Variants in CFAP74 observed in about 807,000 individuals in gnomAD.
CFAP74 encodes the protein cilia and flagella associated protein 74.
CFAP74 carries 124 observed loss-of-function variants against 188.9 expected under a neutral mutation model. That is an observed-to-expected ratio of 0.66 (90% CI 0.57 to 0.76). CFAP74 has a LOEUF of 0.76. Among genes scored for constraint, CFAP74 ranks in the 30% least tolerant of loss-of-function variants. CFAP74 has a pLI of 0.00. For synonymous variants in CFAP74, 956 were observed against 916.7 expected (o/e 1.04, Z -0.77); for missense variants, 2,198 against 2,165.2 (o/e 1.02, Z -0.30).
At chr1:1,971,143 GCACATGCACACCTGGACA>G (rs1186712648) in intron 9 of CFAP74, among the ~76,000 whole-genome samples, 18 of 131,786 alleles carry the variant, frequency 1.4e-4, no homozygotes, top group African/African-American at 4.2e-4. Flanking sequence ...ACACATGCTC[GCACATGCACACCTGGACA>G]CACATGCACA....
rs367955912 is a variant in CFAP74, at chr1:1,959,946, C to T, written c.1761+18G>A. 7.3e-5 allele frequency: 115 copies of T among 1,573,916 alleles called. No homozygotes were observed. Among genetic ancestry groups the T allele is most frequent in the Non-Finnish European group, 8.3e-5 (96 of 1,161,898 alleles). The stretch of plus-strand genomic sequence containing the variant: ...CCACCACCTCCCCTTCGAGAGAGAA[C>T]GGGCCCCTCTGACTCACCATCGGCT... On this transcript the variant is annotated intron_variant, in intron 15 of 38. Transcript: ENST00000682832.
chr1:1,941,734 T>C (rs1029251723), intron 22 of CFAP74, among the ~76,000 whole-genome samples: 1 of 152,188 alleles, frequency 6.6e-6, no homozygotes, highest in African/African-American at 2.4e-5. Context: ...CGGCCATGCA[T>C]GGGAGACACG....
At chr1:1,986,010 T>G (rs34567059) in intron 5 of CFAP74, among the ~76,000 whole-genome samples, 46,887 of 151,930 alleles carry the variant, frequency 0.31, 7,445 homozygotes, top group Non-Finnish European at 0.34. Context: ...TGGACACGGG[T>G]GGTGGGCTTT....
At chr1:1,922,905 G>T in intron 37 of CFAP74, 80 bp downstream of exon 37, 1 of 1,508,532 alleles carries the variant, frequency 6.6e-7, no homozygotes. Flanking sequence ...TGAGGGGCAA[G>T]GCCAGGAGGG....
Position 1,956,758 on chromosome 1 carries a change from G to A in CFAP74, c.1878C>T (p.Asp626=). The A allele has an allele frequency of 1.2e-6, 2 of 1,613,498 alleles. No homozygotes were observed. The highest frequency in any genetic ancestry group is 1.7e-6 in the Non-Finnish European group (2 of 1,179,720). Residue 626 remains aspartate (D), a synonymous_variant, in exon 17 of 39, where the codon GAC becomes GAT. Transcript: ENST00000682832. The part of the protein sequence containing the change: ...CSLSLDKELI[D]FGSYVVGETT... The stretch of plus-strand genomic sequence containing the variant: ...TCTCTCCTACCACGTAGCTGCCGAA[G>A]TCAATGAGCTCCTTGTCGAGGGACA...
chr1:1,973,951 C>T lies in CFAP74; in HGVS notation c.674+74G>A, dbSNP rs1656262331. On this transcript the variant is annotated intron_variant, in intron 7 of 38. Coordinates refer to ENST00000682832, the MANE Select transcript of CFAP74 (RefSeq NM_001304360.2). The surrounding 1 kb of genome is among the most constrained non-coding windows in gnomAD (Gnocchi z 6.2). The stretch of plus-strand genomic sequence containing the variant: ...TGGAGGGCGAGGCTGAATCTGGAGA[C>T]CCCTGGGGGAGAGGGCGGAGGGGCT... The T allele has an allele frequency of 3.6e-6, 5 of 1,380,948 alleles. No individual in the cohort carries two copies. The highest frequency in any genetic ancestry group is 4.8e-6 in the Non-Finnish European group (5 of 1,037,592). 85.5% of individuals were successfully genotyped at this position (1,380,948 alleles called of 1,614,324 possible). A position where few individuals can be genotyped will look rare whatever the true frequency, so the allele number is the denominator to read the frequency against.
At chr1:1,970,533 C>T in intron 10 of CFAP74, 126 bp downstream of exon 10, 1 of 1,095,336 alleles carries the variant, frequency 9.1e-7, no homozygotes, top group Non-Finnish European at 1.3e-6. Flanking sequence ...TGCCCCACAG[C>T]CGCCTGAGTG....
At position 1,955,737 on chromosome 1, in the gene CFAP74, C is replaced by T. The variant is rs748119135; in HGVS notation, c.2130G>A (p.Lys710=). ...GCTCCTTGTCCAGCTTCTCCAGCTC[C>T]TTCCGGCTCTGCATGTCCGCCTGGG... ...ESSQADMQSR[K]ELEKLDKEQE... Residue 710 remains lysine (K), a synonymous_variant, in exon 18 of 39, where the codon AAG becomes AAA. Transcript: ENST00000682832. 25 of 1,614,068 alleles carry T rather than the reference C, an allele frequency of 1.5e-5. No individual in the cohort carries two copies. Among genetic ancestry groups the T allele is most frequent in the Non-Finnish European group, 2.0e-5 (24 of 1,180,038 alleles).
chr1:1,987,171 C>A (rs1657294412), intron 4 of CFAP74, 136 bp from the exon 5 acceptor site: 2 of 637,986 alleles, frequency 3.1e-6, no homozygotes, highest in South Asian at 4.1e-5. Context: ...AGGGGTCTCT[C>A]TAACACCTTC....
chr1:1,955,836 G>T lies in CFAP74; in HGVS notation c.2031C>A (p.Thr677=). 2.5e-6 allele frequency: 4 copies of T among 1,613,274 alleles called. No homozygotes were observed. The Admixed American group carries it at 5.0e-5, about 20-fold the overall frequency. Residue 677 remains threonine, a synonymous_variant, in exon 18 of 39, where the codon ACC becomes ACA. Coordinates refer to ENST00000682832, the MANE Select transcript of CFAP74 (RefSeq NM_001304360.2). The stretch of plus-strand genomic sequence containing the variant: ...TGTCATACAAGCTTTTATCTTCGTA[G>T]GTCAGGAGACTGCTCTAGAGAGGAG... The part of the protein sequence containing the change: ...QSALKLSSLL[T]YEDKSLYDKA...
At chr1:1,952,427 A>G (rs753497559) in intron 18 of CFAP74, among the ~76,000 whole-genome samples, 4 of 152,118 alleles carry the variant, frequency 2.6e-5, no homozygotes, top group Non-Finnish European at 5.9e-5. Flanking sequence ...AACGAATCCA[A>G]ATATATCAAT....
intron 6 of CFAP74, among the ~76,000 whole-genome samples, chr1:1,976,181 T>C (rs922880221): frequency 6.6e-6 from 1 of 152,232 alleles, no homozygotes; most frequent in African/African-American, 2.4e-5. Context: ...ACCCCACCTC[T>C]TCCTGCCGTC....
At chr1:1,951,468 T>C (rs1369923694) in intron 18 of CFAP74, among the ~76,000 whole-genome samples, 2 of 152,218 alleles carry the variant, frequency 1.3e-5, no homozygotes, top group African/African-American at 4.8e-5. Flanking sequence ...TTGACTATAA[T>C]TGTGTGTCTA....
Position 1,923,628 on chromosome 1 carries a change from T to C in CFAP74, c.4390-129A>G. 1 of 1,520,040 alleles carries C rather than the reference T, an allele frequency of 6.6e-7. No homozygotes were observed. The highest frequency in any genetic ancestry group is 8.9e-7 in the Non-Finnish European group (1 of 1,120,374). 94.2% of individuals were successfully genotyped at this position (1,520,040 alleles called of 1,614,324 possible). On this transcript the variant is annotated intron_variant, in intron 35 of 38. Coordinates refer to ENST00000682832, the MANE Select transcript of CFAP74 (RefSeq NM_001304360.2). This position sits in a 1 kb window ranked among gnomAD's most constrained non-coding sequence, Gnocchi z 6.3. The stretch of plus-strand genomic sequence containing the variant: ...GGCCCCGTGGGGCCCTGGACTCTGG[T>C]CTTTCCACTGACGGCCCTCAGTGTG...
At chr1:1,924,115 C>T (rs1277101219) in intron 34 of CFAP74, among the ~76,000 whole-genome samples, 186 bp from the exon 35 acceptor site, 1 of 108,778 alleles carries the variant, frequency 9.2e-6, no homozygotes, top group Non-Finnish European at 1.9e-5. Context: ...CCCCCCATCT[C>T]ACCAACCGCC....
Position 1,923,839 on chromosome 1 carries a change from G to A in CFAP74, c.4325C>T (p.Thr1442Ile), listed in dbSNP as rs369610487. The change falls in exon 35 of 39, where the codon ACC becomes ATC. Residue 1442 changes from threonine to isoleucine, a missense_variant. Coordinates refer to ENST00000682832, the MANE Select transcript of CFAP74 (RefSeq NM_001304360.2). The surrounding 1 kb of genome is among the most constrained non-coding windows in gnomAD (Gnocchi z 6.3). ...GAGGCTTTCGTGGTCGGGGCTGAAG[G>A]TGACAGTGAAGTCTTGTGTCTTCCC... ...DPGKTQDFTV[T>I]FSPDHESLYF... is the part of the protein sequence containing the mutation. 258 of 1,613,462 alleles carry A rather than the reference G, an allele frequency of 1.6e-4. No homozygotes were observed. Among genetic ancestry groups the A allele is most frequent in the South Asian group, 5.2e-4 (47 of 91,088 alleles).
chr1:1,932,079 ACAAAAAAC>A lies in CFAP74; in HGVS notation c.3012-1751_3012-1744del, dbSNP rs753202710. 2.3e-3 allele frequency among the ~76,000 whole-genome samples: 279 copies of A among 123,042 alleles called. 14 individuals carry two copies. Among genetic ancestry groups the A allele is most frequent in the East Asian group, 9.8e-3 (38 of 3,872 alleles). The allele number at this position is 123,042 out of a possible 152,430, so 80.7% of individuals were successfully genotyped here. A position where few individuals can be genotyped will look rare whatever the true frequency, so the allele number is the denominator to read the frequency against. On this transcript the variant is annotated intron_variant, in intron 25 of 38. Coordinates refer to ENST00000682832, the MANE Select transcript of CFAP74 (RefSeq NM_001304360.2). The stretch of plus-strand genomic sequence containing the variant: ...AGACTCTCGCCTCAAAAAAAAAAAA[ACAAAAAAC>A]AAAAAACAAAAAACTTAGAAAAATG...
Position 1,970,789 on chromosome 1 carries a change from C to T in CFAP74, c.916G>A (p.Asp306Asn), listed in dbSNP as rs368644800. 6 of 1,614,064 alleles carry T rather than the reference C, an allele frequency of 3.7e-6. No individual in the cohort carries two copies. In the African/African-American group the frequency reaches 8.0e-5, roughly 22 times the overall value. Residue 306 changes from aspartate (D) to asparagine (N), a missense_variant, in exon 10 of 39, where the codon GAC becomes AAC. Coordinates refer to ENST00000682832, the MANE Select transcript of CFAP74 (RefSeq NM_001304360.2). Reference protein sequence around the residue: ...RDTLRKFQAWDRAKAELAEQR... With the variant: ...RDTLRKFQAWNRAKAELAEQR... The stretch of plus-strand genomic sequence containing the variant: ...TCCGCCAGCTCTGCCTTGGCACGGT[C>T]CCATGCTTGGAACTTCCGCAGTGTG...
chr1:1,971,094 C>T lies in CFAP74; in HGVS notation c.889-278G>A, dbSNP rs1037613215. On this transcript the variant is annotated intron_variant, in intron 9 of 38. Coordinates refer to ENST00000682832, the MANE Select transcript of CFAP74 (RefSeq NM_001304360.2). ...ACACCTGCACACACTCATACATGCA[C>T]ACCTGCACACGTGTGCACACACATG... Among the ~76,000 whole-genome samples, 3 of 149,060 alleles carry T rather than the reference C, an allele frequency of 2.0e-5. 1 individual carries two copies. The highest frequency in any genetic ancestry group is 5.1e-5 in the African/African-American group (2 of 39,308).
Sources: allele counts gnomAD v4.1 joint callset (sites outside exome capture counted in the v4.1 genomes callset), GRCh38; gene constraint gnomAD v4.1.1; non-coding constraint Gnocchi (gnomAD v3.1); transcripts MANE v1.5; gene names NCBI Gene and HGNC (gene_info 2026-07-23, HGNC 2026-07-21).